The following PRDM16 variants were observed in gnomAD, a reference collection of about 807,000 sequenced individuals.
PRDM16 encodes PR/SET domain 16, also known as histone-lysine N-methyltransferase PRDM16.
Under a neutral mutation model 110.6 loss-of-function variants are expected in PRDM16, and 23 were observed. The ratio of observed to expected loss-of-function variants is 0.21; its 90% CI spans 0.15 to 0.29. PRDM16 has a LOEUF of 0.29. Ranked by LOEUF, PRDM16 falls within the 10% of genes least tolerant of loss-of-function variation. PRDM16 has a pLI of 1.00. For synonymous variants in PRDM16, 799 were observed against 781.8 expected, an observed-to-expected ratio of 1.02 and a Z score of -0.37; for missense variants, 1,615 against 1,794.3, an observed-to-expected ratio of 0.90 and a Z score of 1.81.
chr1:3,429,270 G>A (rs1285177295), intron 14 of PRDM16, among the ~76,000 whole-genome samples: 3 of 152,244 alleles, frequency 2.0e-5, no homozygotes, highest in Non-Finnish European at 2.9e-5. Context: ...GAAACTGACT[G>A]TCCTCCCTGT....
At chr1:3,268,119 C>A (rs1380098299) in intron 3 of PRDM16, among the ~76,000 whole-genome samples, 3 of 152,168 alleles carry the variant, frequency 2.0e-5, no homozygotes, top group Non-Finnish European at 4.4e-5. Context: ...TGGGAGCGTA[C>A]GGTGAGCAGG....
At chr1:3,402,626 C>T (rs1569692731) in intron 5 of PRDM16, among the ~76,000 whole-genome samples, 165 bp from the exon 6 acceptor site, 2 of 152,288 alleles carry the variant, frequency 1.3e-5, no homozygotes, top group Middle Eastern at 6.8e-3. Flanking sequence ...CCAGGGCAGG[C>T]TGGTGGGCCC....
At chr1:3,222,722 C>T (rs552051088) in intron 2 of PRDM16, among the ~76,000 whole-genome samples, 146 of 152,376 alleles carry the variant, frequency 9.6e-4, no homozygotes, top group African/African-American at 3.4e-3. Context: ...CTGTCTCCAG[C>T]GTGCAGTGGG....
At chr1:3,195,628 C>G (rs1638455366) in intron 2 of PRDM16, among the ~76,000 whole-genome samples, 1 of 150,262 alleles carries the variant, frequency 6.7e-6, no homozygotes, top group Admixed American at 6.6e-5. Context: ...CACCCTTACT[C>G]AGGAACCGGC....
intron 3 of PRDM16, among the ~76,000 whole-genome samples, chr1:3,383,252 G>A (rs1014634454): frequency 1.3e-5 from 2 of 152,204 alleles, no homozygotes; most frequent in Non-Finnish European, 2.9e-5. Context: ...AGGGGCCCAG[G>A]GGCAGGCACG....
Position 3,431,139 on chromosome 1 carries a change from C to T in PRDM16, c.3521+31C>T, listed in dbSNP as rs550744286. The T allele has an allele frequency of 7.1e-6, 11 of 1,541,722 alleles. No individual in the cohort carries two copies. In the African/African-American group the frequency reaches 8.2e-5, roughly 12 times the overall value. The stretch of plus-strand genomic sequence containing the variant: ...GGCAGCCGTGTGCTCCAGGATGGGG[C>T]AGGGAGGGAACGTGGGCGTCCATCA... On this transcript the variant is annotated intron_variant, in intron 15 of 16. Transcript: ENST00000270722.
intron 2 of PRDM16, among the ~76,000 whole-genome samples, chr1:3,193,218 G>T (rs7542572): frequency 6.6e-6 from 1 of 152,212 alleles, no homozygotes; most frequent in Non-Finnish European, 1.5e-5. Flanking sequence ...GTTCCCTGAC[G>T]CTGTGGAAGG....
intron 8 of PRDM16, among the ~76,000 whole-genome samples, chr1:3,408,300 G>A (rs963804430): frequency 4.6e-5 from 7 of 152,198 alleles, no homozygotes; most frequent in South Asian, 2.1e-4. Flanking sequence ...CCACCAAGGC[G>A]CTCACCTGTG....
In PRDM16 at chr1:3,303,523, C is replaced by T. The variant is rs558539858; in HGVS notation, c.438+59386C>T. Among the ~76,000 whole-genome samples, 541 of 152,230 alleles carry T rather than the reference C, an allele frequency of 3.6e-3. 3 individuals are homozygous for T. Among genetic ancestry groups the T allele is most frequent in the Non-Finnish European group, 5.7e-3 (390 of 68,012 alleles). On this transcript the variant is annotated intron_variant, in intron 3 of 16. Coordinates refer to ENST00000270722, the MANE Select transcript of PRDM16 (RefSeq NM_022114.4). ...CCGTTGGGAAGAGTGCCGTGGTGAC[C>T]GTCCCAAGACAAGTGTTTGTGTCGA... is the stretch of plus-strand genomic sequence containing the variant.
intron 1 of PRDM16, among the ~76,000 whole-genome samples, chr1:3,097,736 C>T (rs1390427721): frequency 6.6e-6 from 1 of 152,178 alleles, no homozygotes; most frequent in Admixed American, 6.5e-5. Flanking sequence ...CTCCCCGAGG[C>T]CTGGGAAGGT....
At chr1:3,429,728 C>T (rs1201877838) in intron 14 of PRDM16, among the ~76,000 whole-genome samples, 1 of 152,202 alleles carries the variant, frequency 6.6e-6, no homozygotes, top group Non-Finnish European at 1.5e-5. Context: ...TCTCCTCAAG[C>T]CCTGAAACCT....
At chr1:3,363,574 C>G (rs931296958) in intron 3 of PRDM16, among the ~76,000 whole-genome samples, 2 of 152,158 alleles carry the variant, frequency 1.3e-5, no homozygotes, top group African/African-American at 4.8e-5. Context: ...GGGTGTCTTC[C>G]TTTGTGAGAA....
In PRDM16 at chr1:3,243,276, T is replaced by C. The variant is rs1386247450; in HGVS notation, c.388-811T>C. The stretch of plus-strand genomic sequence containing the variant: ...AGCGGCTTTTCTGCCTTAGCTCCAT[T>C]TCCTTTGAGAAGTTTCCTCCAAAAG... On this transcript the variant is annotated intron_variant, in intron 2 of 16. Coordinates refer to ENST00000270722, the MANE Select transcript of PRDM16 (RefSeq NM_022114.4). The surrounding 1 kb of genome is among the most constrained non-coding windows in gnomAD (Gnocchi z 5.5). 6.6e-6 allele frequency among the ~76,000 whole-genome samples: 1 copy of C among 152,132 alleles called. No individual in the cohort carries two copies. Among genetic ancestry groups the C allele is most frequent in the African/African-American group, 2.4e-5 (1 of 41,430 alleles).
At position 3,183,997 on chromosome 1, in the gene PRDM16, AC is replaced by A. The variant is rs57672093; in HGVS notation, c.38-2120del. 4.7e-3 allele frequency among the ~76,000 whole-genome samples: 704 copies of A among 149,832 alleles called. 3 individuals carry two copies. Among genetic ancestry groups the A allele is most frequent in the African/African-American group, 0.015 (623 of 40,740 alleles). ...ATAACAAGATGCCATGTTAATTACC[AC>A]CCCCCCCAATGTACCTTTCTGCTGC... On this transcript the variant is annotated intron_variant, in intron 1 of 16. Transcript: ENST00000270722.
At chr1:3,102,927 C>G (rs553937717) in intron 1 of PRDM16, among the ~76,000 whole-genome samples, 1 of 152,208 alleles carries the variant, frequency 6.6e-6, no homozygotes, top group African/African-American at 2.4e-5. Context: ...CTGACAGCCC[C>G]GGTGATGTGA....
At chr1:3,336,933 ATG>A (rs1051662362) in intron 3 of PRDM16, among the ~76,000 whole-genome samples, 4 of 142,772 alleles carry the variant, frequency 2.8e-5, no homozygotes, top group African/African-American at 8.0e-5. Flanking sequence ...TTGTATGCAC[ATG>A]TGTTGGTGTG....
chr1:3,389,271 A>C (rs746607168), intron 4 of PRDM16, among the ~76,000 whole-genome samples: 13 of 152,146 alleles, frequency 8.5e-5, no homozygotes, highest in Non-Finnish European at 1.5e-4. Context: ...GCAGTGCCTC[A>C]TGGACGGAGG....
At chr1:3,197,555 C>T (rs527813374) in intron 2 of PRDM16, among the ~76,000 whole-genome samples, 18 of 152,342 alleles carry the variant, frequency 1.2e-4, no homozygotes, top group African/African-American at 4.3e-4. Context: ...TGCTGCCAGG[C>T]GGTAGGCCTA....
chr1:3,344,605 T>C (rs910567812), intron 3 of PRDM16, among the ~76,000 whole-genome samples: 3 of 152,228 alleles, frequency 2.0e-5, no homozygotes, highest in Non-Finnish European at 4.4e-5. Context: ...TAATTTTTTA[T>C]TGTATTGGAT....
Sources: gnomAD v4.1 joint callset for allele counts (sites outside exome capture counted in the v4.1 genomes callset) on GRCh38, gnomAD v4.1.1 for gene constraint, Gnocchi (gnomAD v3.1) non-coding constraint, MANE v1.5 for transcripts, NCBI Gene and HGNC (gene_info 2026-07-23, HGNC 2026-07-21) for gene names.